CDH12: variants seen among roughly 807,000 people sequenced by gnomAD.
The protein encoded by CDH12 is cadherin-12.
CDH12 carries 41 observed loss-of-function variants against 74.1 expected under a neutral mutation model. The ratio of observed to expected loss-of-function variants is 0.55; its 90% CI spans 0.43 to 0.72. The LOEUF (loss-of-function observed/expected upper bound fraction) is 0.72. CDH12 is among the 30% of genes least tolerant of loss of function. The pLI is 0.00. For missense variants in CDH12, 945 were observed against 977.2 expected, an observed-to-expected ratio of 0.97 and a Z score of 0.44; for synonymous variants, 399 against 355.0, an observed-to-expected ratio of 1.12 and a Z score of -1.39.
chr5:22,340,613 A>T (rs1739808187), intron 3 of CDH12, among the ~76,000 whole-genome samples: 1 of 152,138 alleles, frequency 6.6e-6, no homozygotes, highest in Non-Finnish European at 1.5e-5. Context: ...ATTTGGAATT[A>T]GTCACTCATT....
At chr5:21,794,609 T>C (rs1746678737) in intron 10 of CDH12, among the ~76,000 whole-genome samples, 2 of 151,778 alleles carry the variant, frequency 1.3e-5, no homozygotes, top group African/African-American at 4.8e-5. Context: ...CATCAATTTG[T>C]ACAAAATATC....
chr5:21,884,936 A>G (rs2150037292), intron 6 of CDH12, among the ~76,000 whole-genome samples: 1 of 151,838 alleles, frequency 6.6e-6, no homozygotes, highest in East Asian at 1.9e-4. Context: ...CTCAGGCTGG[A>G]GTGCAATGGC....
chr5:22,632,053 A>T (rs1738612877), intron 1 of CDH12, among the ~76,000 whole-genome samples: 1 of 152,146 alleles, frequency 6.6e-6, no homozygotes, highest in Non-Finnish European at 1.5e-5. Context: ...AGACATCAGG[A>T]TGTAGCAGAG....
chr5:22,691,365 C>G (rs565059018), intron 1 of CDH12, among the ~76,000 whole-genome samples: 1 of 152,268 alleles, frequency 6.6e-6, no homozygotes, highest in South Asian at 2.1e-4. Flanking sequence ...ACTCCAAGAT[C>G]CAGTGAGAAG....
intron 3 of CDH12, among the ~76,000 whole-genome samples, chr5:22,324,668 AATGT>A (rs1245743823): frequency 3.3e-5 from 5 of 151,902 alleles, no homozygotes; most frequent in Admixed American, 6.6e-5. Context: ...GAAGCAGAAA[AATGT>A]ATGTATTTAT....
At chr5:21,870,877 G>A (rs979597765) in intron 6 of CDH12, among the ~76,000 whole-genome samples, 2 of 152,028 alleles carry the variant, frequency 1.3e-5, no homozygotes, top group African/African-American at 4.8e-5. Context: ...GACTATAGGC[G>A]TATGCTACCA....
At chr5:22,581,252 C>T (rs1419856068) in intron 1 of CDH12, among the ~76,000 whole-genome samples, 3 of 152,232 alleles carry the variant, frequency 2.0e-5, no homozygotes, top group Admixed American at 2.0e-4. Flanking sequence ...CCCAGGGTCC[C>T]TGTGCTGTGT....
chr5:22,600,219 G>A (rs1736791416), intron 1 of CDH12, among the ~76,000 whole-genome samples: 1 of 152,048 alleles, frequency 6.6e-6, no homozygotes, highest in African/African-American at 2.4e-5. Flanking sequence ...TATATGTGAA[G>A]CATTTGAAAC....
chr5:22,204,243 G>T (rs1751091117), intron 4 of CDH12, among the ~76,000 whole-genome samples: 1 of 150,180 alleles, frequency 6.7e-6, no homozygotes, highest in Admixed American at 6.7e-5. Context: ...TGCGATCTCA[G>T]CTCCGCCTCG....
intron 3 of CDH12, among the ~76,000 whole-genome samples, chr5:22,347,472 T>C (rs943354288): frequency 1.3e-5 from 2 of 152,176 alleles, no homozygotes; most frequent in Non-Finnish European, 2.9e-5. Context: ...AGCCACAGAC[T>C]GAAGACCGCA....
intron 2 of CDH12, among the ~76,000 whole-genome samples, chr5:22,495,430 T>C (rs445939): frequency 0.94 from 142,964 of 152,204 alleles, 67,233 homozygotes; most frequent in Admixed American, 0.97. Flanking sequence ...ATTAACAAGG[T>C]GGTGGGGCTA....
chr5:21,969,195 G>T (rs867238128), intron 6 of CDH12, among the ~76,000 whole-genome samples: 5 of 151,878 alleles, frequency 3.3e-5, no homozygotes, highest in Admixed American at 6.6e-5. Flanking sequence ...TCCCCATCTA[G>T]ACTTGATTTA....
chr5:22,494,456 GTTACT>G (rs1300389339), intron 2 of CDH12, among the ~76,000 whole-genome samples: 1 of 152,214 alleles, frequency 6.6e-6, no homozygotes, highest in African/African-American at 2.4e-5. Flanking sequence ...TGGGTAAATA[GTTACT>G]TTATTTACAT....
chr5:21,762,474 G>A (rs1275516606), intron 12 of CDH12, among the ~76,000 whole-genome samples: 3 of 151,978 alleles, frequency 2.0e-5, no homozygotes, highest in Non-Finnish European at 4.4e-5. Flanking sequence ...CAGAATGGCA[G>A]GGCTCAAAAA....
At chr5:22,274,793 T>C (rs1736552675) in intron 3 of CDH12, among the ~76,000 whole-genome samples, 1 of 152,136 alleles carries the variant, frequency 6.6e-6, no homozygotes, top group African/African-American at 2.4e-5. Context: ...ATTTAACTGA[T>C]ACATTGAAAT....
Position 22,315,667 on chromosome 5 carries a change from CA to C in CDH12, c.-333+89589del, listed in dbSNP as rs374574079. 8.6e-5 allele frequency among the ~76,000 whole-genome samples: 13 copies of C among 151,598 alleles called. No homozygotes were observed. In the East Asian group the frequency reaches 1.4e-3, roughly 16 times the overall value. Reference sequence around the variant, plus strand: ...TGTAGACTGGATTCTATCCTAGCTACAAAAAAAATGTATTTTTTAGAGTTTT... The same window carrying C: ...TGTAGACTGGATTCTATCCTAGCTACAAAAAAATGTATTTTTTAGAGTTTT... On this transcript the variant is annotated intron_variant, in intron 3 of 14. Coordinates refer to ENST00000382254, the MANE Select transcript of CDH12 (RefSeq NM_004061.5).
At chr5:22,623,859 C>T (rs1738121403) in intron 1 of CDH12, among the ~76,000 whole-genome samples, 1 of 152,160 alleles carries the variant, frequency 6.6e-6, no homozygotes, top group South Asian at 2.1e-4. Context: ...ATTGCCAAGA[C>T]AATCCTAAGC....
At chr5:22,646,569 T>G (rs1463295613) in intron 1 of CDH12, among the ~76,000 whole-genome samples, 1 of 151,834 alleles carries the variant, frequency 6.6e-6, no homozygotes, top group African/African-American at 2.4e-5. Flanking sequence ...ACACTAAAAT[T>G]TATGGAAATA....
chr5:21,920,879 A>G (rs1386749611), intron 6 of CDH12, among the ~76,000 whole-genome samples: 1 of 152,188 alleles, frequency 6.6e-6, no homozygotes, highest in East Asian at 1.9e-4. Context: ...TGAAACAGGA[A>G]TAGTAGTGAG....
Sources: allele counts gnomAD v4.1 joint callset (sites outside exome capture counted in the v4.1 genomes callset), GRCh38; gene constraint gnomAD v4.1.1; transcripts MANE v1.5; gene names NCBI Gene and HGNC (gene_info 2026-07-23, HGNC 2026-07-21).